Variants in OGDH observed in about 807,000 individuals in gnomAD.
OGDH encodes oxoglutarate dehydrogenase.
A neutral mutation model predicts 116.6 loss-of-function variants in OGDH; 38 were observed. The observed-to-expected ratio is 0.33, with a 90% CI of 0.25 to 0.43. The LOEUF is 0.43. OGDH is among the 20% of genes least tolerant of loss of function. OGDH has a pLI of 1.00. For missense variants in OGDH, 825 were observed against 1,357.2 expected (o/e 0.61, Z 6.16); for synonymous variants, 488 against 533.3 (o/e 0.92, Z 1.17).
In OGDH at chr7:44,701,599, T is replaced by C; in HGVS notation, c.2616T>C (p.Phe872=). 2 of 1,614,188 alleles carry C rather than the reference T, an allele frequency of 1.2e-6. No individual in the cohort carries two copies. Among genetic ancestry groups the C allele is most frequent in the Non-Finnish European group, 1.7e-6 (2 of 1,180,036 alleles). ...LLRHPEARSS[F]DEMLPGTHFQ... ...GCCACCCCGAGGCCAGATCCAGCTT[T>C]GATGAGATGCTTCCAGGTGGGTGTG... Residue 872 remains phenylalanine (F), a synonymous_variant, in exon 20 of 23, where the codon TTT becomes TTC. Transcript: ENST00000222673.
chr7:44,677,006 CTG>C (rs532792306), intron 9 of OGDH, among the ~76,000 whole-genome samples: 292 of 152,212 alleles, frequency 1.9e-3, no homozygotes, highest in African/African-American at 6.8e-3. Context: ...GGTCATGTGA[CTG>C]AGTGTTGGGG....
chr7:44,633,124 A>G (rs1260050569), intron 2 of OGDH, among the ~76,000 whole-genome samples: 3 of 151,442 alleles, frequency 2.0e-5, no homozygotes, highest in Non-Finnish European at 4.4e-5. Context: ...ATGGTGGCGC[A>G]CCCCTGTAGT....
chr7:44,700,917 G>C (rs1788800850), intron 19 of OGDH, among the ~76,000 whole-genome samples: 1 of 152,226 alleles, frequency 6.6e-6, no homozygotes. Flanking sequence ...TTAGGAGGCT[G>C]AGGCAGGAGA....
intron 20 of OGDH, among the ~76,000 whole-genome samples, chr7:44,703,170 C>T (rs1788915355): frequency 6.6e-6 from 1 of 152,012 alleles, no homozygotes; most frequent in Non-Finnish European, 1.5e-5. Flanking sequence ...AATCCCAGCA[C>T]TTTGGGAGTT....
intron 6 of OGDH, 113 bp from the exon 7 acceptor site, chr7:44,674,298 G>T: frequency 7.5e-7 from 1 of 1,331,222 alleles, no homozygotes; most frequent in Non-Finnish European, 1.1e-6. Flanking sequence ...GCCCACCTCG[G>T]CCTCCCAAGG....
At chr7:44,607,850 C>T (rs111386026) in intron 1 of OGDH, among the ~76,000 whole-genome samples, 1 of 151,898 alleles carries the variant, frequency 6.6e-6, no homozygotes, top group Non-Finnish European at 1.5e-5. Context: ...TACAGGCACG[C>T]GCCATCACGC....
chr7:44,681,503 CAG>C (rs1787927724), intron 9 of OGDH, among the ~76,000 whole-genome samples: 1 of 152,208 alleles, frequency 6.6e-6, no homozygotes, highest in Non-Finnish European at 1.5e-5. Context: ...GTGCTGAGAA[CAG>C]ATGATGATGG....
At chr7:44,624,115 C>G (rs988811801) in intron 1 of OGDH, among the ~76,000 whole-genome samples, 2 of 151,982 alleles carry the variant, frequency 1.3e-5, no homozygotes, top group African/African-American at 4.8e-5. Flanking sequence ...GCAGGTAGCA[C>G]TCTTGTGAAT....
At chr7:44,608,689 A>T (rs929193645) in intron 1 of OGDH, among the ~76,000 whole-genome samples, 10 of 152,154 alleles carry the variant, frequency 6.6e-5, no homozygotes, top group Admixed American at 6.5e-4. Flanking sequence ...CCACGGCACT[A>T]CAGCCTGAGC....
intron 4 of OGDH, among the ~76,000 whole-genome samples, chr7:44,655,252 G>T (rs180713096): frequency 6.6e-6 from 1 of 152,254 alleles, no homozygotes; most frequent in Admixed American, 6.5e-5. Context: ...TGGTTTTGAA[G>T]ATTGAAGGAG....
At chr7:44,651,072 G>T (rs1184105248) in intron 4 of OGDH, among the ~76,000 whole-genome samples, 4 of 152,204 alleles carry the variant, frequency 2.6e-5, no homozygotes, top group Non-Finnish European at 5.9e-5. Context: ...CCAGGTAGGG[G>T]GCAGTGATGG....
intron 2 of OGDH, among the ~76,000 whole-genome samples, chr7:44,631,132 A>C (rs946253800): frequency 4.6e-5 from 7 of 152,182 alleles, no homozygotes; most frequent in Non-Finnish European, 5.9e-5. Flanking sequence ...AAAAGTGTAC[A>C]TGTTCAGTAC....
intron 9 of OGDH, among the ~76,000 whole-genome samples, chr7:44,677,473 A>G (rs1221448054): frequency 1.3e-5 from 2 of 152,126 alleles, no homozygotes; most frequent in South Asian, 2.1e-4. Flanking sequence ...TTTTCTGGAG[A>G]TGAAAGGTAA....
At chr7:44,675,078 G>T (rs939975708) in intron 7 of OGDH, 100 bp from the exon 8 acceptor site, 19 of 916,882 alleles carry the variant, frequency 2.1e-5, no homozygotes, top group Non-Finnish European at 3.3e-5. Context: ...GAGGTGCCGT[G>T]TCCTGGGGGG....
At chr7:44,651,265 G>A (rs758095948) in intron 4 of OGDH, among the ~76,000 whole-genome samples, 4 of 152,160 alleles carry the variant, frequency 2.6e-5, no homozygotes, top group Non-Finnish European at 5.9e-5. Flanking sequence ...CCACTGAGTT[G>A]ACCTTTTATG....
chr7:44,694,705 C>A lies in OGDH; in HGVS notation c.1668+129C>A. On this transcript the variant is annotated intron_variant, in intron 12 of 22. Coordinates refer to ENST00000222673, the MANE Select transcript of OGDH (RefSeq NM_002541.4). This position sits in a 1 kb window ranked among gnomAD's most constrained non-coding sequence, Gnocchi z 4.2. Reference sequence around the variant, plus strand: ...CACGTGAGAGGATGTGAAATATTTACAACTACAGCATTTCAATGCATAACT... The same window carrying A: ...CACGTGAGAGGATGTGAAATATTTAAAACTACAGCATTTCAATGCATAACT... The A allele has an allele frequency of 2.0e-6, 2 of 1,022,650 alleles. No individual in the cohort carries two copies. The highest frequency in any genetic ancestry group is 2.8e-6 in the Non-Finnish European group (2 of 702,878). 63.3% of individuals were successfully genotyped at this position (1,022,650 alleles called of 1,614,324 possible). A position where few individuals can be genotyped will look rare whatever the true frequency, so the allele number is the denominator to read the frequency against.
intron 4 of OGDH, among the ~76,000 whole-genome samples, chr7:44,648,959 T>C (rs1175847274): frequency 6.6e-6 from 1 of 152,098 alleles, no homozygotes; most frequent in African/African-American, 2.4e-5. Context: ...CCCGGAGGTC[T>C]TGGAGCCTCT....
chr7:44,680,134 C>G (rs931786958), intron 9 of OGDH, among the ~76,000 whole-genome samples: 14 of 152,092 alleles, frequency 9.2e-5, no homozygotes, highest in African/African-American at 3.4e-4. Context: ...ATCACTTGAG[C>G]TTGGGAGGCA....
intron 14 of OGDH, 37 bp from the exon 15 acceptor site, chr7:44,696,877 G>A: frequency 1.3e-6 from 2 of 1,568,854 alleles, no homozygotes; most frequent in Non-Finnish European, 1.7e-6. Flanking sequence ...TGTGCAGGCA[G>A]GGCCTGCAGC....
Sources: allele counts gnomAD v4.1 joint callset (sites outside exome capture counted in the v4.1 genomes callset), GRCh38; gene constraint gnomAD v4.1.1; non-coding constraint Gnocchi (gnomAD v3.1); transcripts MANE v1.5; gene names NCBI Gene and HGNC (gene_info 2026-07-23, HGNC 2026-07-21).